Variants in NEK11 observed in about 807,000 individuals in gnomAD.
NEK11 encodes serine/threonine-protein kinase Nek11.
NEK11 carries 72 observed loss-of-function variants against 80.7 expected under a neutral mutation model. The observed-to-expected ratio is 0.89, with a 90% CI of 0.74 to 1.08. NEK11 has a LOEUF of 1.08. Among genes scored for constraint, NEK11 ranks in the 50% least tolerant of loss-of-function variants. NEK11 has a pLI of 0.00. For synonymous variants in NEK11, 251 were observed against 260.7 expected (o/e 0.96, Z 0.36); for missense variants, 764 against 763.6 (o/e 1.00, Z -0.01).
In NEK11 at chr3:131,181,512, C is replaced by T. The variant is rs981322270; in HGVS notation, c.1399+10625C>T. Among the ~76,000 whole-genome samples, 3 of 151,940 alleles carry T rather than the reference C, an allele frequency of 2.0e-5. 1 individual carries two copies. Among genetic ancestry groups the T allele is most frequent in the Admixed American group, 1.3e-4 (2 of 15,254 alleles). On this transcript the variant is annotated intron_variant, in intron 14 of 17. Transcript: ENST00000383366. ...CTGTAATCCCAGCACTTTGGGAGGC[C>T]AAGGCGGGCAGATCACAAGGTCAGG...
chr3:131,074,455 A>C lies in NEK11; in HGVS notation c.171-5968A>C, dbSNP rs148364476. Among the ~76,000 whole-genome samples, 1,420 of 152,246 alleles carry C rather than the reference A, an allele frequency of 9.3e-3. 20 individuals carry two copies. Among genetic ancestry groups the C allele is most frequent in the African/African-American group, 0.031 (1,305 of 41,542 alleles). On this transcript the variant is annotated intron_variant, in intron 3 of 17. Coordinates refer to ENST00000383366, the MANE Select transcript of NEK11 (RefSeq NM_024800.5). ...TTTAATTCCACATTCCATAATGTAT[A>C]GTGTGATTTTGTGTATGTGTATGTA... is the stretch of plus-strand genomic sequence containing the variant.
intron 2 of NEK11, among the ~76,000 whole-genome samples, chr3:131,028,288 G>C (rs1370568409): frequency 1.3e-5 from 2 of 152,140 alleles, no homozygotes; most frequent in African/African-American, 4.8e-5. Flanking sequence ...AATTGCCCTA[G>C]TAGTTTTTGT....
At chr3:131,209,832 C>T (rs1420240009) in intron 14 of NEK11, among the ~76,000 whole-genome samples, 1 of 151,992 alleles carries the variant, frequency 6.6e-6, no homozygotes, top group Non-Finnish European at 1.5e-5. Context: ...GTGGTGATAT[C>T]CCCTTTATCA....
chr3:131,030,270 T>C (rs796490177), intron 3 of NEK11, among the ~76,000 whole-genome samples: 8 of 152,256 alleles, frequency 5.3e-5, no homozygotes, highest in African/African-American at 1.9e-4. Flanking sequence ...ATGTCCACTT[T>C]GCTCTTTATA....
At chr3:131,336,156 A>G (rs1214175854) in intron 17 of NEK11, among the ~76,000 whole-genome samples, 14 of 152,120 alleles carry the variant, frequency 9.2e-5, no homozygotes, top group South Asian at 4.1e-4. Flanking sequence ...AGCCCGCATC[A>G]CCAAGTCAAT....
At chr3:131,272,298 C>G (rs1226828808) in intron 16 of NEK11, among the ~76,000 whole-genome samples, 2 of 151,718 alleles carry the variant, frequency 1.3e-5, no homozygotes, top group Non-Finnish European at 2.9e-5. Flanking sequence ...TTGGAGTGGA[C>G]AGTTTTTTAC....
rs947837379 is a variant in NEK11 at position 131,170,864 on chromosome 3, C to A, written c.1376C>A (p.Ala459Asp). 1 of 1,612,088 alleles carries A rather than the reference C, an allele frequency of 6.2e-7. No homozygotes were observed. Among genetic ancestry groups the A allele is most frequent in the African/African-American group, 1.3e-5 (1 of 74,974 alleles). ...LHELESIVED[A>D]TSDLGYHEIP... ...GAACTTGAATCAATTGTAGAGGATG[C>A]CACATCTGACCTTGGATACCATGGT... is the stretch of plus-strand genomic sequence containing the variant. Residue 459 changes from alanine to aspartate, a missense_variant, in exon 14 of 18, where the codon GCC (alanine) becomes GAC (aspartate). Physicochemically the swap from Ala to Asp is moderately radical, Grantham distance 126. Transcript: ENST00000383366.
chr3:131,218,752 C>T (rs137898135), intron 14 of NEK11, among the ~76,000 whole-genome samples: 2,812 of 152,282 alleles, frequency 0.018, 42 homozygotes, highest in East Asian at 0.085. Flanking sequence ...TTCTAACTGG[C>T]ATGAGACGGT....
chr3:131,286,107 C>T (rs1433403920), intron 17 of NEK11, among the ~76,000 whole-genome samples: 1 of 152,164 alleles, frequency 6.6e-6, no homozygotes, highest in Admixed American at 6.6e-5. Context: ...TTCTGCAGGC[C>T]CTGACTTTAT....
rs549721792 is a variant in NEK11, at chr3:131,161,646, A to G, written c.963-762A>G. On this transcript the variant is annotated intron_variant, in intron 10 of 17. Transcript: ENST00000383366. ...AGCTAAATGATGAGAACACATGGACACATAGAGGGGAACAACAGACACTGG... is the reference window on the plus strand; with the variant it reads ...AGCTAAATGATGAGAACACATGGACGCATAGAGGGGAACAACAGACACTGG... 2.1e-4 allele frequency among the ~76,000 whole-genome samples: 32 copies of G among 152,294 alleles called. 1 individual carries two copies. Among genetic ancestry groups the G allele is most frequent in the African/African-American group, 7.5e-4 (31 of 41,544 alleles).
chr3:131,341,289 T>C (rs531821138), intron 17 of NEK11, among the ~76,000 whole-genome samples: 12 of 152,356 alleles, frequency 7.9e-5, no homozygotes, highest in African/African-American at 2.2e-4. Flanking sequence ...TTTTGACCCG[T>C]AATTTATTTA....
At chr3:131,059,852 A>G (rs540522523) in intron 3 of NEK11, among the ~76,000 whole-genome samples, 1 of 152,364 alleles carries the variant, frequency 6.6e-6, no homozygotes, top group African/African-American at 2.4e-5. Flanking sequence ...AAGTTGATCC[A>G]GTGACCAAGA....
intron 14 of NEK11, among the ~76,000 whole-genome samples, chr3:131,197,108 C>T (rs1422595801): frequency 6.6e-6 from 1 of 152,010 alleles, no homozygotes; most frequent in African/African-American, 2.4e-5. Flanking sequence ...AGTTGCAAGC[C>T]CCGGGTTTAA....
At chr3:131,262,954 G>A (rs1357053501) in intron 16 of NEK11, among the ~76,000 whole-genome samples, 2 of 151,928 alleles carry the variant, frequency 1.3e-5, no homozygotes, top group South Asian at 2.1e-4. Context: ...GAGAATGATG[G>A]TTTCTAGTTT....
intron 17 of NEK11, among the ~76,000 whole-genome samples, chr3:131,308,135 T>C (rs1402858760): frequency 6.6e-6 from 1 of 152,232 alleles, no homozygotes; most frequent in Non-Finnish European, 1.5e-5. Context: ...TTTGACTTTC[T>C]ATTTTTATGG....
At chr3:131,157,399 C>T (rs375132208) in intron 10 of NEK11, among the ~76,000 whole-genome samples, 2 of 152,128 alleles carry the variant, frequency 1.3e-5, no homozygotes. Flanking sequence ...TTGTCCATTA[C>T]AGTCTGGGCG....
chr3:131,192,755 T>C (rs1391851205), intron 14 of NEK11, among the ~76,000 whole-genome samples: 1 of 152,154 alleles, frequency 6.6e-6, no homozygotes, highest in African/African-American at 2.4e-5. Flanking sequence ...AGACAGAAAG[T>C]AGAACTGTGG....
intron 16 of NEK11, among the ~76,000 whole-genome samples, chr3:131,262,895 T>C (rs1465873940): frequency 1.3e-5 from 2 of 151,620 alleles, no homozygotes; most frequent in African/African-American, 2.4e-5. Context: ...CTCTCACTTA[T>C]GAGTGAGAAC....
chr3:131,230,816 A>T (rs919183492), intron 15 of NEK11, among the ~76,000 whole-genome samples: 6 of 152,144 alleles, frequency 3.9e-5, no homozygotes, highest in Admixed American at 2.6e-4. Context: ...CTTGAATTGT[A>T]GCTCCCATAA....
Sources: gnomAD v4.1 joint callset for allele counts (sites outside exome capture counted in the v4.1 genomes callset) on GRCh38, gnomAD v4.1.1 for gene constraint, MANE v1.5 for transcripts, NCBI Gene and HGNC (gene_info 2026-07-23, HGNC 2026-07-21) for gene names.